Variants in E4F1 observed in about 807,000 individuals in gnomAD.
The protein encoded by E4F1 is E4F transcription factor 1.
A neutral mutation model predicts 72.9 loss-of-function variants in E4F1; 30 were observed. The ratio of observed to expected loss-of-function variants is 0.41; its 90% CI spans 0.31 to 0.56. The LOEUF (loss-of-function observed/expected upper bound fraction) is 0.56. Ranked by LOEUF, E4F1 falls within the 20% of genes least tolerant of loss-of-function variation. E4F1 has a pLI of 0.25. For synonymous variants in E4F1, 542 were observed against 478.2 expected, an observed-to-expected ratio of 1.13 and a Z score of -1.74; for missense variants, 1,091 against 1,117.5, an observed-to-expected ratio of 0.98 and a Z score of 0.34.
rs567600771 is a variant in E4F1 at position 2,235,688 on chromosome 16, G to A, written c.*116G>A. 1.3e-3 allele frequency: 1,099 copies of A among 827,426 alleles called. 16 individuals carry two copies. In the South Asian group the frequency reaches 0.013, roughly 10 times the overall value. 51.3% of individuals were successfully genotyped at this position (827,426 alleles called of 1,614,324 possible). Reference sequence around the variant, plus strand: ...GCACAGGATGGAGGCGCCCCAAGACGGACAGTGTACATAAGAGTTTCTTGT... The same window carrying A: ...GCACAGGATGGAGGCGCCCCAAGACAGACAGTGTACATAAGAGTTTCTTGT... On this transcript the variant is annotated 3_prime_UTR_variant, in exon 14 of 14. Transcript: ENST00000301727.
chr16:2,232,980 G>A, intron 6 of E4F1, 31 bp from the exon 7 acceptor site: 2 of 1,610,150 alleles, frequency 1.2e-6, no homozygotes, highest in Non-Finnish European at 1.7e-6. Flanking sequence ...GGGTGTGTGA[G>A]GGATCTTCAC....
rs747217683 is a variant in E4F1 at position 2,233,894 on chromosome 16, G to A, written c.1279G>A (p.Glu427Lys). Residue 427 changes from glutamate (E) to lysine (K), a missense_variant, in exon 9 of 14, where the codon GAG (glutamate) becomes AAG (lysine). By Grantham distance (56) the Glu-to-Lys change is moderately conservative. Transcript: ENST00000301727. ...VQPLETQVASEASAVPRTHPC... is the reference protein window; with the variant it reads ...VQPLETQVASKASAVPRTHPC... ...TGTGGTTCCCCAGCAGGTGGCCAGC[G>A]AGGCCTCAGCGGTGCCCAGGACCCA... is the stretch of plus-strand genomic sequence containing the variant. 6 of 1,596,562 alleles carry A rather than the reference G, an allele frequency of 3.8e-6. No individual in the cohort carries two copies. The highest frequency in any genetic ancestry group is 1.3e-5 in the African/African-American group (1 of 74,572).
At chr16:2,231,982 A>G in intron 3 of E4F1, 189 bp from the exon 4 acceptor site, 1 of 680,714 alleles carries the variant, frequency 1.5e-6, no homozygotes, top group Non-Finnish European at 2.5e-6. Context: ...GTGTCTCTCC[A>G]CCTCTCACTC....
In E4F1 at chr16:2,224,023, C is replaced by T. The variant is rs2141424234; in HGVS notation, c.157+253C>T. The T allele has an allele frequency of 3.6e-6, 5 of 1,394,462 alleles. No homozygotes were observed. The South Asian group carries it at 4.4e-5, about 12-fold the overall frequency. 86.4% of individuals were successfully genotyped at this position (1,394,462 alleles called of 1,614,324 possible). The stretch of plus-strand genomic sequence containing the variant: ...CAAGTGCTCGCGGGTTGCTGAGCCC[C>T]CGGGCGCCCGGTGTAGACATTCGCA... On this transcript the variant is annotated intron_variant, in intron 1 of 13. Coordinates refer to ENST00000301727, the MANE Select transcript of E4F1 (RefSeq NM_004424.5).
rs34008168 is a variant in E4F1, at chr16:2,227,826, C to CTT, written c.158-529_158-528dup. On this transcript the variant is annotated intron_variant, in intron 1 of 13. Coordinates refer to ENST00000301727, the MANE Select transcript of E4F1 (RefSeq NM_004424.5). ...TAAATGTTTAACAATGTTTTAAAAA[C>CTT]TTTTTTTTTTTTTTTTTTGGTAGAG... 1.8e-3 allele frequency among the ~76,000 whole-genome samples: 237 copies of CTT among 132,918 alleles called. 1 individual carries two copies. Among genetic ancestry groups the CTT allele is most frequent in the East Asian group, 8.4e-3 (38 of 4,518 alleles). 87.2% of individuals were successfully genotyped at this position (132,918 alleles called of 152,430 possible).
Position 2,235,653 on chromosome 16 carries a change from A to G in E4F1, c.*81A>G. 3.1e-6 allele frequency: 4 copies of G among 1,271,386 alleles called. No individual in the cohort carries two copies. The highest frequency in any genetic ancestry group is 4.3e-6 in the Non-Finnish European group (4 of 934,926). 78.8% of individuals were successfully genotyped at this position (1,271,386 alleles called of 1,614,324 possible). A position where few individuals can be genotyped will look rare whatever the true frequency, so the allele number is the denominator to read the frequency against. ...CCCACCCATGCCTGCCTGGCCTGGT[A>G]GAGAAGATGGCACAGGATGGAGGCG... On this transcript the variant is annotated 3_prime_UTR_variant, in exon 14 of 14. Transcript: ENST00000301727.
chr16:2,231,597 T>A (rs1304144704), intron 3 of E4F1: 1 of 154,220 alleles, frequency 6.5e-6, no homozygotes, highest in Non-Finnish European at 1.4e-5. Context: ...CCCAGCATCC[T>A]CCAGAAGTGC....
Position 2,228,826 on chromosome 16 carries a change from C to A in E4F1, c.309+303C>A, listed in dbSNP as rs561834662. ...CTCCTTTGGCTCTGGGGTACCATGG[C>A]AGCTTCTGTCTCTTTGGCTTATCTT... On this transcript the variant is annotated intron_variant, in intron 2 of 13. Transcript: ENST00000301727. Among the ~76,000 whole-genome samples, 14 of 152,320 alleles carry A rather than the reference C, an allele frequency of 9.2e-5. No homozygotes were observed. The South Asian group carries it at 2.7e-3, about 29-fold the overall frequency.
In E4F1 at chr16:2,228,475, G is replaced by A. The variant is rs776848740; in HGVS notation, c.261G>A (p.Pro87=). 39 of 1,612,920 alleles carry A rather than the reference G, an allele frequency of 2.4e-5. No individual in the cohort carries two copies. The highest frequency in any genetic ancestry group is 3.0e-5 in the Non-Finnish European group (35 of 1,179,970). ...AGAAGGCCTGCCAGCGGGCCCCTCCGGAGGCCCTGCCTGCCACCCCTGCCA... is the reference window on the plus strand; with the variant it reads ...AGAAGGCCTGCCAGCGGGCCCCTCCAGAGGCCCTGCCTGCCACCCCTGCCA... ...KIQKACQRAP[P]EALPATPATT... is the part of the protein sequence containing the mutation. The change falls in exon 2 of 14, where the codon CCG becomes CCA. Residue 87 remains proline, a synonymous_variant. Coordinates refer to ENST00000301727, the MANE Select transcript of E4F1 (RefSeq NM_004424.5).
In E4F1 at chr16:2,233,096, G is replaced by A; in HGVS notation, c.969G>A (p.Leu323=). The A allele has an allele frequency of 6.2e-7, 1 of 1,612,720 alleles. No individual in the cohort carries two copies. The highest frequency in any genetic ancestry group is 2.2e-5 in the East Asian group (1 of 44,858). Residue 323 remains leucine, a synonymous_variant, in exon 7 of 14, where the codon CTG becomes CTA. Transcript: ENST00000301727. ...EPIETSPVIH[L]VTDAKGTVIH... The stretch of plus-strand genomic sequence containing the variant: ...TAGAGACTTCACCCGTGATTCACCT[G>A]GTGACAGATGCCAAGGGCACCGTCA...
chr16:2,233,239 A>C, intron 7 of E4F1, 56 bp downstream of exon 7: 1 of 1,544,242 alleles, frequency 6.5e-7, no homozygotes, highest in Non-Finnish European at 8.7e-7. Flanking sequence ...GCTCGGTGCC[A>C]GTCTTTGTTC....
intron 1 of E4F1, among the ~76,000 whole-genome samples, chr16:2,224,099 C>T (rs1412360461): frequency 6.6e-6 from 1 of 152,260 alleles, no homozygotes; most frequent in African/African-American, 2.4e-5. Context: ...GCCTGGCCCT[C>T]CCCTCCTCTG....
chr16:2,229,925 C>T, intron 3 of E4F1: 1 of 466,006 alleles, frequency 2.1e-6, no homozygotes, highest in South Asian at 2.3e-5. Flanking sequence ...GCTGTGCTCT[C>T]TCCCGTCAGC....
intron 7 of E4F1, 72 bp from the exon 8 acceptor site, chr16:2,233,366 G>A: frequency 6.9e-7 from 1 of 1,442,326 alleles, no homozygotes; most frequent in South Asian, 1.4e-5. Context: ...CTCCTGGCGT[G>A]CGTCTGCCCC....
At position 2,232,799 on chromosome 16, in the gene E4F1, G is replaced by A; in HGVS notation, c.774G>A (p.Arg258=). The A allele has an allele frequency of 1.9e-6, 3 of 1,613,418 alleles. No homozygotes were observed. Among genetic ancestry groups the A allele is most frequent in the Non-Finnish European group, 2.5e-6 (3 of 1,180,016 alleles). The change falls in exon 6 of 14, where the codon CGG becomes CGA. Residue 258 remains arginine (R), a synonymous_variant. Transcript: ENST00000301727. Reference sequence around the variant, plus strand: ...GCTCCAAGTGTGGAAAGAGCTTCCGGGAGTCGGGTGCACTGACCCGGCACC... The same window carrying A: ...GCTCCAAGTGTGGAAAGAGCTTCCGAGAGTCGGGTGCACTGACCCGGCACC... The part of the protein sequence containing the change: ...YKCSKCGKSF[R]ESGALTRHLK...
At position 2,234,982 on chromosome 16, in the gene E4F1, C is replaced by T. The variant is rs919581446; in HGVS notation, c.1916C>T (p.Thr639Ile). ...GAGTTCTCGTCCGTGGTAGCTGACACCCAGGAGTATATCATCGAGGTGGGT... is the reference window on the plus strand; with the variant it reads ...GAGTTCTCGTCCGTGGTAGCTGACATCCAGGAGTATATCATCGAGGTGGGT... ...LVEFSSVVAD[T>I]QEYIIEATAD... is the part of the protein sequence containing the mutation. Residue 639 changes from threonine (T) to isoleucine (I), a missense_variant, in exon 12 of 14, where the codon ACC (threonine) becomes ATC (isoleucine). By Grantham distance (89) the Thr-to-Ile change is moderately conservative. Transcript: ENST00000301727. 2 of 1,608,976 alleles carry T rather than the reference C, an allele frequency of 1.2e-6. No individual in the cohort carries two copies. The highest frequency in any genetic ancestry group is 1.7e-6 in the Non-Finnish European group (2 of 1,178,238).
At chr16:2,232,061 G>A (rs1251611786) in intron 3 of E4F1, 110 bp from the exon 4 acceptor site, 2 of 1,382,330 alleles carry the variant, frequency 1.4e-6, no homozygotes, top group Admixed American at 1.9e-5. Flanking sequence ...AGTGCAGGTT[G>A]GGTCCAGGGT....
rs528812715 is a variant in E4F1, at chr16:2,232,750, C to T, written c.731-6C>T. The T allele has an allele frequency of 6.2e-7, 1 of 1,613,086 alleles. No individual in the cohort carries two copies. Among genetic ancestry groups the T allele is most frequent in the African/African-American group, 1.3e-5 (1 of 75,050 alleles). Reference sequence around the variant, plus strand: ...CTGCCCGGGGCTGACTAGGTTCTCTCTGCAGATGAGCGCCCCTACAAGTGC... The same window carrying T: ...CTGCCCGGGGCTGACTAGGTTCTCTTTGCAGATGAGCGCCCCTACAAGTGC... On this transcript the variant is annotated splice_region_variant and splice_polypyrimidine_tract_variant and intron_variant, in intron 5 of 13. Transcript: ENST00000301727.
Position 2,233,970 on chromosome 16 carries a change from C to T in E4F1, c.1355C>T (p.Ala452Val), listed in dbSNP as rs2141471590. The T allele has an allele frequency of 7.5e-6, 12 of 1,597,038 alleles. No individual in the cohort carries two copies. Among genetic ancestry groups the T allele is most frequent in the South Asian group, 4.5e-5 (4 of 88,814 alleles). Residue 452 changes from alanine to valine, a missense_variant, in exon 9 of 14, where the codon GCC (alanine) becomes GTC (valine). Coordinates refer to ENST00000301727, the MANE Select transcript of E4F1 (RefSeq NM_004424.5). ...TTCCCGACAGCAGCCACCCTGGAGG[C>T]CCACAAGAGGGGCCACACCGGTAGG... Reference protein sequence around the residue: ...ETFPTAATLEAHKRGHTGPRP... With the variant: ...ETFPTAATLEVHKRGHTGPRP...
Sources: gnomAD v4.1 joint callset for allele counts (sites outside exome capture counted in the v4.1 genomes callset) on GRCh38, gnomAD v4.1.1 for gene constraint, MANE v1.5 for transcripts, NCBI Gene and HGNC (gene_info 2026-07-23, HGNC 2026-07-21) for gene names.